The following ZCCHC7 variants were observed in gnomAD, a reference collection of about 807,000 sequenced individuals.
ZCCHC7 encodes zinc finger CCHC domain-containing protein 7.
In ZCCHC7, 35 loss-of-function variants were observed where a neutral mutation model predicts 52.0. That is an observed-to-expected ratio of 0.67 (90% CI 0.51 to 0.89). The LOEUF is 0.89. Ranked by LOEUF, ZCCHC7 falls within the 40% of genes least tolerant of loss-of-function variation. The pLI, the probability that ZCCHC7 is intolerant of heterozygous loss-of-function variation, is 0.00. For missense variants in ZCCHC7, 574 were observed against 649.1 expected, an observed-to-expected ratio of 0.88 and a Z score of 1.26; for synonymous variants, 217 against 221.5, an observed-to-expected ratio of 0.98 and a Z score of 0.18.
At chr9:37,332,487 T>C (rs774025935) in intron 6 of ZCCHC7, among the ~76,000 whole-genome samples, 1 of 151,634 alleles carries the variant, frequency 6.6e-6, no homozygotes, top group Non-Finnish European at 1.5e-5. Flanking sequence ...AATAGTTTTA[T>C]GTTATTTAAA....
intron 2 of ZCCHC7, among the ~76,000 whole-genome samples, chr9:37,199,699 TCTTTCTTTCTG>T (rs1462129504): frequency 2.6e-4 from 19 of 71,868 alleles, no homozygotes; most frequent in South Asian, 1.8e-3. Context: ...TTTCTGTCTG[TCTTTCTTTCTG>T]TCTTTCTTTC....
At chr9:37,290,491 A>T (rs1005924732) in intron 2 of ZCCHC7, among the ~76,000 whole-genome samples, 2 of 152,074 alleles carry the variant, frequency 1.3e-5, no homozygotes, top group Admixed American at 6.6e-5. Flanking sequence ...CCCCATCTGT[A>T]CAAAAAATAC....
intron 2 of ZCCHC7, among the ~76,000 whole-genome samples, chr9:37,236,571 T>G (rs1025327546): frequency 1.3e-5 from 2 of 152,038 alleles, no homozygotes; most frequent in East Asian, 3.8e-4. Context: ...TTTTTTTGTA[T>G]TTTTAGCAGA....
intron 5 of ZCCHC7, among the ~76,000 whole-genome samples, chr9:37,312,764 A>G (rs1176822977): frequency 6.6e-6 from 1 of 152,216 alleles, no homozygotes; most frequent in South Asian, 2.1e-4. Flanking sequence ...ATCTACAAAA[A>G]ACATTTTTTT....
chr9:37,351,765 G>A (rs1821393521), intron 7 of ZCCHC7, among the ~76,000 whole-genome samples: 1 of 152,126 alleles, frequency 6.6e-6, no homozygotes, highest in African/African-American at 2.4e-5. Context: ...ATTTTTGCTT[G>A]CTTACCTCTG....
chr9:37,313,674 A>G (rs887988450), intron 5 of ZCCHC7, among the ~76,000 whole-genome samples: 47 of 152,156 alleles, frequency 3.1e-4, no homozygotes, highest in Admixed American at 1.0e-3. Context: ...TTCTTGCAAT[A>G]GTAAGTTCTC....
At chr9:37,328,335 A>G (rs1830330412) in intron 6 of ZCCHC7, among the ~76,000 whole-genome samples, 1 of 152,198 alleles carries the variant, frequency 6.6e-6, no homozygotes, top group Middle Eastern at 3.4e-3. Context: ...TTCAAAATGT[A>G]TAAATATCTG....
In ZCCHC7 at chr9:37,131,995, T is replaced by C. The variant is rs574852018; in HGVS notation, c.610+5053T>C. Among the ~76,000 whole-genome samples the C allele has an allele frequency of 1.2e-4, 19 of 152,354 alleles. No homozygotes were observed. In the South Asian group the frequency reaches 3.9e-3, roughly 32 times the overall value. Reference sequence around the variant, plus strand: ...AGTTTATTTCTGAGGTCTGAGCCTCTTTTCCTTTACTTCCTTTATTCTTTC... The same window carrying C: ...AGTTTATTTCTGAGGTCTGAGCCTCCTTTCCTTTACTTCCTTTATTCTTTC... On this transcript the variant is annotated intron_variant, in intron 2 of 8. Coordinates refer to ENST00000336755, the MANE Select transcript of ZCCHC7 (RefSeq NM_032226.3).
chr9:37,147,526 G>A (rs1446311726), intron 2 of ZCCHC7: 1 of 151,820 alleles, frequency 6.6e-6, no homozygotes, highest in Non-Finnish European at 1.5e-5. Context: ...AATGGAAGGT[G>A]AGTGAAGAGT....
At chr9:37,287,408 G>A (rs2790063) in intron 2 of ZCCHC7, among the ~76,000 whole-genome samples, 64,766 of 151,728 alleles carry the variant, frequency 0.43, 15,396 homozygotes, top group African/African-American at 0.64. Flanking sequence ...CCAATCCCTC[G>A]TGCCTTCTTG....
intron 6 of ZCCHC7, 85 bp downstream of exon 6, chr9:37,327,919 C>T: frequency 7.2e-7 from 1 of 1,382,790 alleles, no homozygotes; most frequent in Non-Finnish European, 1.0e-6. Flanking sequence ...TATAGACAAG[C>T]ATCTTCTGCT....
In ZCCHC7 at chr9:37,354,812, C is replaced by CA; in HGVS notation, c.1192dup (p.Ile398AsnfsTer24). ...TCAGGAGAGAGAAAAGAGACTAAAA[C>CA]AAAAAATAAAAGGTATGTTGCTAGA... On this transcript the variant is annotated frameshift_variant, in exon 8 of 9. Transcript: ENST00000336755. LOFTEE classifies it low-confidence loss of function (END_TRUNC). The surrounding 1 kb of genome is among the most constrained non-coding windows in gnomAD (Gnocchi z 4.0). 6.2e-7 allele frequency: 1 copy of CA among 1,600,198 alleles called. No homozygotes were observed. The highest frequency in any genetic ancestry group is 8.5e-7 in the Non-Finnish European group (1 of 1,170,470).
intron 2 of ZCCHC7, among the ~76,000 whole-genome samples, chr9:37,211,367 G>GGGTTTT (rs1386151732): frequency 6.6e-6 from 1 of 151,994 alleles, no homozygotes; most frequent in African/African-American, 2.4e-5. Flanking sequence ...GTTTGTTTTG[G>GGGTTTT]GGTTTTGGTT....
At chr9:37,318,024 C>G (rs1397440327) in intron 5 of ZCCHC7, among the ~76,000 whole-genome samples, 1 of 151,896 alleles carries the variant, frequency 6.6e-6, no homozygotes, top group Non-Finnish European at 1.5e-5. Flanking sequence ...GGAAGCTGTA[C>G]TATTAAAGTA....
At chr9:37,223,154 T>TAA (rs147063519) in intron 2 of ZCCHC7, among the ~76,000 whole-genome samples, 9 of 149,578 alleles carry the variant, frequency 6.0e-5, no homozygotes, top group South Asian at 2.1e-4. Context: ...AGGAACAGTT[T>TAA]AAAAAAAAAA....
At chr9:37,256,619 T>C (rs756119667) in intron 2 of ZCCHC7, among the ~76,000 whole-genome samples, 1 of 152,186 alleles carries the variant, frequency 6.6e-6, no homozygotes, top group Non-Finnish European at 1.5e-5. Flanking sequence ...GTACATGTCT[T>C]TGAATATTCT....
chr9:37,149,470 G>A (rs973686951), intron 2 of ZCCHC7, among the ~76,000 whole-genome samples: 4 of 151,896 alleles, frequency 2.6e-5, no homozygotes, highest in Non-Finnish European at 5.9e-5. Context: ...ACTGATCAAA[G>A]TAAGAATTAG....
chr9:37,173,034 A>C (rs1428435630), intron 2 of ZCCHC7, among the ~76,000 whole-genome samples: 1 of 151,372 alleles, frequency 6.6e-6, no homozygotes, highest in Admixed American at 6.6e-5. Context: ...CAACGTGGCC[A>C]TTCCAATAGG....
At chr9:37,138,242 T>A (rs1363367608) in intron 2 of ZCCHC7, among the ~76,000 whole-genome samples, 1 of 152,128 alleles carries the variant, frequency 6.6e-6, no homozygotes, top group East Asian at 1.9e-4. Context: ...ATAAAAATGT[T>A]CAGTTTCAGC....
Sources: allele counts gnomAD v4.1 joint callset (sites outside exome capture counted in the v4.1 genomes callset), GRCh38; gene constraint gnomAD v4.1.1; non-coding constraint Gnocchi (gnomAD v3.1); transcripts MANE v1.5; gene names NCBI Gene and HGNC (gene_info 2026-07-23, HGNC 2026-07-21).